FMN1: variants seen among roughly 807,000 people sequenced by gnomAD.
FMN1 encodes formin 1.
FMN1 carries 110 observed loss-of-function variants against 132.4 expected under a neutral mutation model. That is an observed-to-expected ratio of 0.83 (90% CI 0.71 to 0.97). The LOEUF is 0.97. Ranked by LOEUF, FMN1 falls within the 50% of genes least tolerant of loss-of-function variation. The pLI is 0.00. For missense variants in FMN1, 1,792 were observed against 1,705.3 expected (o/e 1.05, Z -0.90); for synonymous variants, 722 against 651.7 (o/e 1.11, Z -1.64).
At chr15:32,961,271 T>G (rs2030508560) in intron 9 of FMN1, among the ~76,000 whole-genome samples, 1 of 151,706 alleles carries the variant, frequency 6.6e-6, no homozygotes, top group African/African-American at 2.4e-5. Context: ...GTAGCTGAGA[T>G]TACAGGCGCC....
intron 2 of FMN1, among the ~76,000 whole-genome samples, chr15:33,185,826 C>T (rs1240252878): frequency 6.6e-6 from 1 of 152,026 alleles, no homozygotes; most frequent in Non-Finnish European, 1.5e-5. Context: ...CTCACCTCGG[C>T]CTCCCAAAGA....
intron 6 of FMN1, among the ~76,000 whole-genome samples, chr15:33,060,811 T>G (rs1290780822): frequency 6.6e-6 from 1 of 152,258 alleles, no homozygotes; most frequent in Non-Finnish European, 1.5e-5. Context: ...TCAAACTTTT[T>G]TCTTTCTCAT....
intron 19 of FMN1, among the ~76,000 whole-genome samples, chr15:32,781,798 C>A (rs1334890332): frequency 6.6e-6 from 1 of 152,158 alleles, no homozygotes; most frequent in African/African-American, 2.4e-5. Flanking sequence ...GTGAATAATA[C>A]CACACCTAAT....
chr15:33,122,324 T>C (rs1293083319), intron 4 of FMN1, among the ~76,000 whole-genome samples: 1 of 152,226 alleles, frequency 6.6e-6, no homozygotes, highest in Admixed American at 6.5e-5. Flanking sequence ...AACCATGTAA[T>C]TGTGCTTTAA....
intron 4 of FMN1, among the ~76,000 whole-genome samples, chr15:33,113,473 G>A (rs1342689160): frequency 6.6e-6 from 1 of 151,996 alleles, no homozygotes; most frequent in African/African-American, 2.4e-5. Context: ...TGTGAACATA[G>A]GGTACGATAT....
rs1044049070 is a variant in FMN1, at chr15:32,900,330, A to G, written c.3508-205T>C. On this transcript the variant is annotated intron_variant, in intron 13 of 20. Transcript: ENST00000616417. ...AACAGCCATTATTTTCTACCCACTC[A>G]AATTAATTATAAACAGTGCATGTTT... The G allele has an allele frequency of 1.3e-4, 91 of 700,540 alleles. 1 individual carries two copies. The South Asian group carries it at 1.3e-3, about 10-fold the overall frequency. The allele number at this position is 700,540 out of a possible 1,614,324, so 43.4% of individuals were successfully genotyped here.
chr15:33,153,564 G>A lies in FMN1; in HGVS notation c.1351C>T (p.Arg451Cys), dbSNP rs1176613042. The A allele has an allele frequency of 2.9e-5, 44 of 1,536,144 alleles. No individual in the cohort carries two copies. The South Asian group carries it at 4.2e-4, about 15-fold the overall frequency. The change falls in exon 4 of 21, where the codon CGC (arginine) becomes TGC (cysteine). Residue 451 changes from arginine to cysteine, a missense_variant. Arg to Cys is a radical substitution (Grantham distance 180). This residue lies in a region of FMN1 where 638 missense variants were observed against 645.2 expected (regional missense o/e 0.99). Transcript: ENST00000616417. ...FPVHTSVPHT[R>C]PETRNKRRAG... ...CTCCTCTTGTTTCTCGTTTCTGGGCGAGTGTGAGGGACACTCGTGTGGACA... is the reference window on the plus strand; with the variant it reads ...CTCCTCTTGTTTCTCGTTTCTGGGCAAGTGTGAGGGACACTCGTGTGGACA...
intron 6 of FMN1, among the ~76,000 whole-genome samples, chr15:33,026,589 T>C (rs529291682): frequency 6.6e-5 from 10 of 152,372 alleles, no homozygotes; most frequent in Admixed American, 3.9e-4. Flanking sequence ...ATCATGATTA[T>C]ATAATGCATA....
intron 4 of FMN1, among the ~76,000 whole-genome samples, chr15:33,125,008 T>TC (rs746377878): frequency 2.6e-5 from 4 of 152,134 alleles, no homozygotes; most frequent in Non-Finnish European, 5.9e-5. Context: ...ATGTATAAAA[T>TC]CCCTTCTCGC....
At chr15:33,160,977 G>T (rs1441102267) in intron 3 of FMN1, among the ~76,000 whole-genome samples, 1 of 152,130 alleles carries the variant, frequency 6.6e-6, no homozygotes, top group Non-Finnish European at 1.5e-5. Flanking sequence ...GCTATCTATT[G>T]TTCATAGCAT....
chr15:32,913,425 T>C (rs1403101064), intron 10 of FMN1, among the ~76,000 whole-genome samples: 1 of 152,146 alleles, frequency 6.6e-6, no homozygotes, highest in Non-Finnish European at 1.5e-5. Context: ...CTTGGCCTGG[T>C]TGTTAAGCTC....
intron 8 of FMN1, among the ~76,000 whole-genome samples, chr15:32,965,531 T>C (rs762525257): frequency 1.3e-5 from 2 of 152,196 alleles, no homozygotes; most frequent in African/African-American, 2.4e-5. Context: ...ATACCTATTT[T>C]CTCAATGAAA....
At chr15:32,868,015 G>A (rs547011355) in intron 16 of FMN1, among the ~76,000 whole-genome samples, 1 of 152,302 alleles carries the variant, frequency 6.6e-6, no homozygotes, top group Admixed American at 6.5e-5. Flanking sequence ...ACCAGTTAAA[G>A]GGGAGAAACT....
intron 4 of FMN1, among the ~76,000 whole-genome samples, chr15:33,112,331 G>C (rs1001699809): frequency 7.6e-6 from 1 of 132,186 alleles, no homozygotes; most frequent in African/African-American, 2.5e-5. Context: ...CATGACCTTT[G>C]TTATTTAAAA....
chr15:33,065,941 CAT>C (rs576264576), intron 5 of FMN1, among the ~76,000 whole-genome samples: 1 of 152,142 alleles, frequency 6.6e-6, no homozygotes, highest in Non-Finnish European at 1.5e-5. Flanking sequence ...TCATTTTGCA[CAT>C]GAGGAGATTG....
intron 7 of FMN1, among the ~76,000 whole-genome samples, chr15:32,997,151 A>G (rs185193837): frequency 3.3e-5 from 5 of 152,324 alleles, no homozygotes; most frequent in African/African-American, 1.2e-4. Flanking sequence ...ACTTCCTCAA[A>G]CTGGGCTCAG....
chr15:33,037,162 C>T (rs2036228004), intron 6 of FMN1, among the ~76,000 whole-genome samples: 1 of 152,188 alleles, frequency 6.6e-6, no homozygotes, highest in South Asian at 2.1e-4. Flanking sequence ...ACAGTTCTTT[C>T]TTGCTGACTC....
intron 9 of FMN1, among the ~76,000 whole-genome samples, chr15:32,945,992 C>G (rs1277205324): frequency 2.0e-5 from 3 of 149,970 alleles, no homozygotes; most frequent in Non-Finnish European, 3.0e-5. Context: ...TTCTGGCTAA[C>G]AGCTGCTGAT....
intron 6 of FMN1, among the ~76,000 whole-genome samples, chr15:33,019,273 T>C (rs2035277483): frequency 6.6e-6 from 1 of 152,118 alleles, no homozygotes; most frequent in Non-Finnish European, 1.5e-5. Flanking sequence ...ATTGGTGTAT[T>C]TACAAACCCT....
Sources: gnomAD v4.1 joint callset for allele counts (sites outside exome capture counted in the v4.1 genomes callset) on GRCh38, gnomAD v4.1.1 for gene constraint, gnomAD v4.1.1 regional missense constraint, MANE v1.5 for transcripts, NCBI Gene and HGNC (gene_info 2026-07-23, HGNC 2026-07-21) for gene names.